Variants in TBC1D4 observed in about 807,000 individuals in gnomAD.
TBC1D4 encodes TBC1 domain family member 4.
A neutral mutation model predicts 142.5 loss-of-function variants in TBC1D4; 121 were observed. That is an observed-to-expected ratio of 0.85 (90% CI 0.73 to 0.99). The LOEUF (loss-of-function observed/expected upper bound fraction) is 0.99, where lower values mean the gene tolerates loss of function less well. Ranked by LOEUF, TBC1D4 falls within the 50% of genes least tolerant of loss-of-function variation. The pLI is 0.00. For missense variants in TBC1D4, 1,475 were observed against 1,606.6 expected, an observed-to-expected ratio of 0.92 and a Z score of 1.40; for synonymous variants, 630 against 628.2, an observed-to-expected ratio of 1.00 and a Z score of -0.04.
intron 1 of TBC1D4, among the ~76,000 whole-genome samples, chr13:75,432,322 C>T (rs182856919): frequency 2.4e-4 from 36 of 152,274 alleles, no homozygotes; most frequent in Admixed American, 4.6e-4. Context: ...CCAGGAACCT[C>T]GTGAGACTAT....
chr13:75,458,265 GT>G (rs1593908406), intron 1 of TBC1D4, among the ~76,000 whole-genome samples: 1 of 152,270 alleles, frequency 6.6e-6, no homozygotes, highest in East Asian at 1.9e-4. Context: ...GAGTTCGGCT[GT>G]CCCCTGGCCA....
intron 1 of TBC1D4, among the ~76,000 whole-genome samples, chr13:75,422,333 C>G (rs1886204282): frequency 1.3e-5 from 2 of 151,916 alleles, no homozygotes. Flanking sequence ...TGAAATCAGA[C>G]AGTCATTTCT....
intron 1 of TBC1D4, among the ~76,000 whole-genome samples, chr13:75,392,052 T>G (rs183669865): frequency 7.2e-4 from 110 of 152,338 alleles, no homozygotes; most frequent in Non-Finnish European, 1.3e-3. Flanking sequence ...ATTTTTATCC[T>G]AAGCACTTCT....
At chr13:75,406,973 C>T (rs181793820) in intron 1 of TBC1D4, among the ~76,000 whole-genome samples, 2 of 152,222 alleles carry the variant, frequency 1.3e-5, no homozygotes, top group East Asian at 1.9e-4. Flanking sequence ...CTAGTGAGAC[C>T]GAAACTTAAC....
At chr13:75,305,556 ACTTAT>A (rs1363373616) in intron 15 of TBC1D4, among the ~76,000 whole-genome samples, 4 of 152,218 alleles carry the variant, frequency 2.6e-5, no homozygotes, top group Non-Finnish European at 4.4e-5. Flanking sequence ...TCAAAATAAC[ACTTAT>A]CTTAATTTAA....
Position 75,327,812 on chromosome 13 carries a change from C to T in TBC1D4, c.1746G>A (p.Met582Ile). Residue 582 changes from methionine (M) to isoleucine (I), a missense_variant, in exon 9 of 21, where the codon ATG becomes ATA. Met to Ile is a conservative substitution (Grantham distance 10). This residue lies in a region of TBC1D4 where 1,227 missense variants were observed against 1,267.7 expected (regional missense o/e 0.97). Coordinates refer to ENST00000377636, the MANE Select transcript of TBC1D4 (RefSeq NM_014832.5). ...ENIFSRGANRMRGRLGSVDSF... is the reference protein window; with the variant it reads ...ENIFSRGANRIRGRLGSVDSF... Reference sequence around the variant, plus strand: ...TGTCCACACTTCCAAGCCGACCTCTCATTCTGTTAGCTCCCTGAGTGAAAA... The same window carrying T: ...TGTCCACACTTCCAAGCCGACCTCTTATTCTGTTAGCTCCCTGAGTGAAAA... 1 of 1,613,942 alleles carries T rather than the reference C, an allele frequency of 6.2e-7. No individual in the cohort carries two copies. Among genetic ancestry groups the T allele is most frequent in the Non-Finnish European group, 8.5e-7 (1 of 1,179,862 alleles).
Position 75,345,712 on chromosome 13 carries a change from G to C in TBC1D4, c.1408+3458C>G, listed in dbSNP as rs564084748. ...GTTTGAGACCAGCCTGGGCAACATG[G>C]TGAAACCCCGTCTCTAAGAAAATAC... On this transcript the variant is annotated intron_variant, in intron 5 of 20. Coordinates refer to ENST00000377636, the MANE Select transcript of TBC1D4 (RefSeq NM_014832.5). Among the ~76,000 whole-genome samples the C allele has an allele frequency of 7.1e-4, 107 of 150,948 alleles. 1 individual carries two copies. In the South Asian group the frequency reaches 0.022, roughly 31 times the overall value.
At chr13:75,395,300 T>C (rs1884727860) in intron 1 of TBC1D4, among the ~76,000 whole-genome samples, 1 of 152,184 alleles carries the variant, frequency 6.6e-6, no homozygotes, top group Non-Finnish European at 1.5e-5. Context: ...TTCTGGTATA[T>C]CTAAACAGGA....
rs191515691 is a variant in TBC1D4 at position 75,342,649 on chromosome 13, T to C, written c.1409-1062A>G. Among the ~76,000 whole-genome samples the C allele has an allele frequency of 8.4e-4, 128 of 152,068 alleles. 1 individual carries two copies. Among genetic ancestry groups the C allele is most frequent in the Non-Finnish European group, 2.5e-4 (17 of 67,976 alleles). On this transcript the variant is annotated intron_variant, in intron 5 of 20. Coordinates refer to ENST00000377636, the MANE Select transcript of TBC1D4 (RefSeq NM_014832.5). ...TTTCATGAGAAGGTTGTTTTTAAAT[T>C]TTTTTTTAAAAAAGAAAGTTTAATT...
intron 1 of TBC1D4, among the ~76,000 whole-genome samples, chr13:75,383,018 A>T (rs1883940778): frequency 6.6e-6 from 1 of 152,134 alleles, no homozygotes; most frequent in Non-Finnish European, 1.5e-5. Flanking sequence ...AATGTCATGA[A>T]CTCTATCAAA....
At chr13:75,371,805 A>G (rs917747459) in intron 1 of TBC1D4, among the ~76,000 whole-genome samples, 2 of 152,220 alleles carry the variant, frequency 1.3e-5, no homozygotes, top group African/African-American at 4.8e-5. Context: ...AGAAACTGGG[A>G]GCTCTCCTAT....
Position 75,324,384 on chromosome 13 carries a change from C to A in TBC1D4, c.2051G>T (p.Arg684Leu). 1 of 1,613,816 alleles carries A rather than the reference C, an allele frequency of 6.2e-7. No homozygotes were observed. ...AGAATTACTCTCCTTGTACATGCGT[C>A]GAACTGACGAAAGATTGCTGAGTAC... ...SEQCSNLSSV[R>L]RMYKESNSSS... The change falls in exon 11 of 21, where the codon CGA (arginine) becomes CTA (leucine). Residue 684 changes from arginine (R) to leucine (L), a missense_variant. Arg to Leu is a moderately radical substitution (Grantham distance 102). This residue lies in a region of TBC1D4 where 1,227 missense variants were observed against 1,267.7 expected (regional missense o/e 0.97). Coordinates refer to ENST00000377636, the MANE Select transcript of TBC1D4 (RefSeq NM_014832.5).
intron 15 of TBC1D4, among the ~76,000 whole-genome samples, chr13:75,303,595 A>C (rs1240329155): frequency 2.0e-5 from 3 of 152,218 alleles, no homozygotes; most frequent in Non-Finnish European, 4.4e-5. Flanking sequence ...GTTTGGACAC[A>C]TTGAATCGGC....
At chr13:75,413,953 C>CA (rs1310292196) in intron 1 of TBC1D4, among the ~76,000 whole-genome samples, 1 of 152,126 alleles carries the variant, frequency 6.6e-6, no homozygotes, top group Non-Finnish European at 1.5e-5. Context: ...AGAAGGGTCC[C>CA]ACAAGAGATT....
intron 12 of TBC1D4, among the ~76,000 whole-genome samples, chr13:75,317,049 A>C (rs1878374983): frequency 6.6e-6 from 1 of 152,154 alleles, no homozygotes; most frequent in Non-Finnish European, 1.5e-5. Flanking sequence ...TGTCATTACT[A>C]CTTCCATTTT....
At chr13:75,315,407 T>G (rs1243298356) in intron 12 of TBC1D4, among the ~76,000 whole-genome samples, 1 of 136,096 alleles carries the variant, frequency 7.3e-6, no homozygotes, top group Non-Finnish European at 1.6e-5. Context: ...TACACACATA[T>G]ATATATATAT....
At chr13:75,321,762 C>CT (rs1198763263) in intron 11 of TBC1D4, among the ~76,000 whole-genome samples, 2 of 152,050 alleles carry the variant, frequency 1.3e-5, no homozygotes, top group African/African-American at 4.8e-5. Context: ...AGACAGGACT[C>CT]TTTTTGAAGC....
At chr13:75,313,583 G>A (rs959178222) in intron 12 of TBC1D4, among the ~76,000 whole-genome samples, 4 of 152,176 alleles carry the variant, frequency 2.6e-5, no homozygotes, top group Non-Finnish European at 4.4e-5. Flanking sequence ...GCGCAGTGGC[G>A]CAATCACAGC....
chr13:75,454,966 A>C (rs1887668213), intron 1 of TBC1D4, among the ~76,000 whole-genome samples: 1 of 152,238 alleles, frequency 6.6e-6, no homozygotes, highest in Non-Finnish European at 1.5e-5. Flanking sequence ...TCTGGGAAAA[A>C]TGTAAACATG....
Sources: gnomAD v4.1 joint callset for allele counts (sites outside exome capture counted in the v4.1 genomes callset) on GRCh38, gnomAD v4.1.1 for gene constraint, gnomAD v4.1.1 regional missense constraint, MANE v1.5 for transcripts, NCBI Gene and HGNC (gene_info 2026-07-23, HGNC 2026-07-21) for gene names.